IFNGR2: variants seen among roughly 807,000 people sequenced by gnomAD.
IFNGR2 encodes the protein interferon gamma receptor 2.
IFNGR2 carries 15 observed loss-of-function variants against 41.1 expected under a neutral mutation model. The ratio of observed to expected loss-of-function variants is 0.37; its 90% confidence interval spans 0.24 to 0.56. IFNGR2 has a LOEUF of 0.56. Ranked by LOEUF, IFNGR2 falls within the 20% of genes least tolerant of loss-of-function variation. IFNGR2 has a pLI of 0.81. For missense variants in IFNGR2, 362 were observed against 415.7 expected, an observed-to-expected ratio of 0.87 and a Z score of 1.12; for synonymous variants, 161 against 171.6, an observed-to-expected ratio of 0.94 and a Z score of 0.48.
At chr21:33,427,844 C>CA (rs2083852437) in intron 4 of IFNGR2, among the ~76,000 whole-genome samples, 1 of 125,482 alleles carries the variant, frequency 8.0e-6, no homozygotes, top group African/African-American at 2.9e-5. Context: ...CTCATTTCAT[C>CA]TTTTTTTTTT....
At chr21:33,406,797 G>A (rs1190072754) in intron 1 of IFNGR2, among the ~76,000 whole-genome samples, 3 of 151,846 alleles carry the variant, frequency 2.0e-5, no homozygotes, top group Non-Finnish European at 4.4e-5. Flanking sequence ...ACACGTGCAC[G>A]CCATCATACC....
At chr21:33,436,780 T>C (rs780982040) in intron 6 of IFNGR2, 48 bp from the exon 7 acceptor site, 4 of 1,535,182 alleles carry the variant, frequency 2.6e-6, no homozygotes, top group Non-Finnish European at 3.6e-6. Context: ...AGGTCTGGTA[T>C]ACTGAACTGG....
At chr21:33,425,721 T>C (rs543239854) in intron 3 of IFNGR2, among the ~76,000 whole-genome samples, 19 of 152,296 alleles carry the variant, frequency 1.2e-4, no homozygotes, top group Admixed American at 6.5e-4. Context: ...CACTGGGAGT[T>C]GTCTGGACTT....
intron 3 of IFNGR2, among the ~76,000 whole-genome samples, chr21:33,423,690 C>T (rs1250028033): frequency 6.6e-6 from 1 of 152,108 alleles, no homozygotes; most frequent in African/African-American, 2.4e-5. Context: ...GCGTGAGAGC[C>T]ACCGTGCCCG....
chr21:33,404,892 C>T (rs2083666293), intron 1 of IFNGR2, among the ~76,000 whole-genome samples: 1 of 152,152 alleles, frequency 6.6e-6, no homozygotes, highest in African/African-American at 2.4e-5. Flanking sequence ...CTTTGGGAGG[C>T]TGAGGCAGCA....
chr21:33,414,965 C>T lies in IFNGR2; in HGVS notation c.151C>T (p.Pro51Ser). ...CGCAGAGCAGGTCCTGAGTTGGGAG[C>T]CAGTGGCCCTGAGCAATAGCACGAG... ...YNAEQVLSWE[P>S]VALSNSTRPV... Residue 51 changes from proline (P) to serine (S), a missense_variant, in exon 2 of 7, where the codon CCA becomes TCA. Physicochemically the swap from Pro to Ser is moderately conservative, Grantham distance 74 (BLOSUM62 -1). Transcript: ENST00000290219. 1.9e-6 allele frequency: 3 copies of T among 1,614,170 alleles called. No homozygotes were observed. Among genetic ancestry groups the T allele is most frequent in the Non-Finnish European group, 2.5e-6 (3 of 1,180,026 alleles).
intron 2 of IFNGR2, among the ~76,000 whole-genome samples, chr21:33,419,026 T>G (rs543135251): frequency 1.3e-5 from 2 of 152,330 alleles, no homozygotes; most frequent in South Asian, 2.1e-4. Flanking sequence ...TCTAGAAAAG[T>G]AGAAGAAAAT....
At position 33,432,891 on chromosome 21, in the gene IFNGR2, T is replaced by TC. The variant is rs747344228; in HGVS notation, c.879+20_879+21insC. 1.2e-6 allele frequency: 1 copy of TC among 842,450 alleles called. No individual in the cohort carries two copies. The highest frequency in any genetic ancestry group is 1.7e-6 in the Non-Finnish European group (1 of 598,458). The allele number at this position is 842,450 out of a possible 1,614,324, so 52.2% of individuals were successfully genotyped here. A position where few individuals can be genotyped will look rare whatever the true frequency, so the allele number is the denominator to read the frequency against. On this transcript the variant is annotated intron_variant, in intron 6 of 6. Transcript: ENST00000290219. ...GAAGAGGTACGTGTGCACACATCTC[T>TC]TTTTTTTTTTTTGAGACAGGGTCTT...
chr21:33,410,835 G>A, intron 1 of IFNGR2: 9 of 1,538,276 alleles, frequency 5.9e-6, no homozygotes, highest in Non-Finnish European at 7.0e-6. Context: ...TTTATGCTCA[G>A]CACAGCTAAC....
intron 1 of IFNGR2, among the ~76,000 whole-genome samples, chr21:33,410,396 A>G (rs1282262110): frequency 2.0e-5 from 3 of 151,640 alleles, no homozygotes; most frequent in Non-Finnish European, 2.9e-5. Context: ...TGAACTCCTG[A>G]CCTCATGATC....
At chr21:33,404,924 A>C (rs2083666534) in intron 1 of IFNGR2, among the ~76,000 whole-genome samples, 3 of 152,096 alleles carry the variant, frequency 2.0e-5, no homozygotes, top group African/African-American at 7.2e-5. Context: ...GGAGTTCGAG[A>C]CCAGCTTGAC....
chr21:33,426,952 T>C lies in IFNGR2; in HGVS notation c.481T>C (p.Ser161Pro), dbSNP rs752170562. 2 of 1,613,664 alleles carry C rather than the reference T, an allele frequency of 1.2e-6. No individual in the cohort carries two copies. The highest frequency in any genetic ancestry group is 3.3e-5 in the Admixed American group (2 of 59,954). Reference protein sequence around the residue: ...GEGSLIIRFSSPFDIADTSTA... With the variant: ...GEGSLIIRFSPPFDIADTSTA... ...AGGCTCCCTCATCATCAGGTTCTCC[T>C]CTCCCTTTGACATCGCTGATACCTC... is the stretch of plus-strand genomic sequence containing the variant. Residue 161 changes from serine (S) to proline (P), a missense_variant, in exon 4 of 7, where the codon TCT becomes CCT. Transcript: ENST00000290219.
intron 3 of IFNGR2, among the ~76,000 whole-genome samples, chr21:33,424,433 T>C (rs1490531056): frequency 3.3e-5 from 5 of 152,234 alleles, no homozygotes; most frequent in Admixed American, 6.5e-5. Context: ...AGCACCCATG[T>C]TTCTGTTAGT....
rs375538161 is a variant in IFNGR2 at position 33,432,876 on chromosome 21, G to A, written c.879+5G>A. The A allele has an allele frequency of 1.0e-4, 162 of 1,608,408 alleles. No individual in the cohort carries two copies. Among genetic ancestry groups the A allele is most frequent in the Middle Eastern group, 3.3e-4 (2 of 5,974 alleles). ...ATCCCATTACAGATAGAAGAGGTAC[G>A]TGTGCACACATCTCTTTTTTTTTTT... On this transcript the variant is annotated splice_donor_5th_base_variant and intron_variant, in intron 6 of 6. Coordinates refer to ENST00000290219, the MANE Select transcript of IFNGR2 (RefSeq NM_005534.4).
intron 4 of IFNGR2, among the ~76,000 whole-genome samples, chr21:33,427,370 C>T (rs1166024012): frequency 6.6e-6 from 1 of 152,150 alleles, no homozygotes; most frequent in Non-Finnish European, 1.5e-5. Context: ...GCCTGGTTCT[C>T]CATGAGGAAT....
intron 1 of IFNGR2, among the ~76,000 whole-genome samples, chr21:33,407,523 G>A (rs2083684990): frequency 6.6e-6 from 1 of 152,236 alleles, no homozygotes. Flanking sequence ...TATATCTCTA[G>A]TTTACTTCCT....
At chr21:33,412,309 A>G (rs2083723031) in intron 1 of IFNGR2, among the ~76,000 whole-genome samples, 1 of 152,208 alleles carries the variant, frequency 6.6e-6, no homozygotes, top group Non-Finnish European at 1.5e-5. Flanking sequence ...TTGCTGTAAC[A>G]GGAAGGTCGG....
Position 33,421,696 on chromosome 21 carries a change from T to G in IFNGR2, c.412+11T>G, listed in dbSNP as rs762790808. The stretch of plus-strand genomic sequence containing the variant: ...AACACTATCGGAATGGTAAGAGAAC[T>G]TGAGTATAGAACTTCCTTTATACTT... On this transcript the variant is annotated intron_variant, in intron 3 of 6. Coordinates refer to ENST00000290219, the MANE Select transcript of IFNGR2 (RefSeq NM_005534.4). 6.2e-7 allele frequency: 1 copy of G among 1,602,350 alleles called. No individual in the cohort carries two copies.
rs139576480 is a variant in IFNGR2, at chr21:33,404,290, G to T, written c.73+674G>T. ...CCCAGACTCAATTCCGACTTTGGCCGAGGGCATGTTTGACACTGGGTGTGA... is the reference window on the plus strand; with the variant it reads ...CCCAGACTCAATTCCGACTTTGGCCTAGGGCATGTTTGACACTGGGTGTGA... On this transcript the variant is annotated intron_variant, in intron 1 of 6. Transcript: ENST00000290219. 7.2e-5 allele frequency among the ~76,000 whole-genome samples: 11 copies of T among 152,326 alleles called. No homozygotes were observed. In the East Asian group the frequency reaches 2.1e-3, roughly 29 times the overall value.
Sources: gnomAD v4.1 joint callset for allele counts (sites outside exome capture counted in the v4.1 genomes callset) on GRCh38, gnomAD v4.1.1 for gene constraint, MANE v1.5 for transcripts, NCBI Gene and HGNC (gene_info 2026-07-23, HGNC 2026-07-21) for gene names.